The following ADSS2 variants were observed in gnomAD, a reference collection of about 807,000 sequenced individuals.
ADSS2 encodes the protein adenylosuccinate synthetase isozyme 2.
ADSS2 carries 30 observed loss-of-function variants against 60.0 expected under a neutral mutation model. The observed-to-expected ratio is 0.50, with a 90% CI of 0.37 to 0.68. The LOEUF (loss-of-function observed/expected upper bound fraction) is 0.68. Among genes scored for constraint, ADSS2 ranks in the 30% least tolerant of loss-of-function variants. The pLI is 0.00. For synonymous variants in ADSS2, 187 were observed against 193.1 expected (o/e 0.97, Z 0.26); for missense variants, 373 against 554.8 (o/e 0.67, Z 3.29).
At chr1:244,428,587 A>C (rs931213234) in intron 4 of ADSS2, among the ~76,000 whole-genome samples, 1 of 151,890 alleles carries the variant, frequency 6.6e-6, no homozygotes, top group Non-Finnish European at 1.5e-5. Flanking sequence ...TTCTAAAGGA[A>C]CTACAAAAAC....
intron 1 of ADSS2, among the ~76,000 whole-genome samples, chr1:244,448,937 GT>G (rs1184187617): frequency 2.0e-5 from 3 of 152,054 alleles, no homozygotes; most frequent in African/African-American, 7.2e-5. Context: ...GATACTCAAT[GT>G]TTACTAGATG....
At chr1:244,433,484 G>A (rs1665001282) in intron 3 of ADSS2, among the ~76,000 whole-genome samples, 1 of 152,324 alleles carries the variant, frequency 6.6e-6, no homozygotes, top group African/African-American at 2.4e-5. Context: ...ATCATGCTGG[G>A]GAGGTTAGGT....
At chr1:244,430,049 C>A (rs1259760121) in intron 4 of ADSS2, among the ~76,000 whole-genome samples, 1 of 152,082 alleles carries the variant, frequency 6.6e-6, no homozygotes, top group Non-Finnish European at 1.5e-5. Context: ...CTGCGCTTAT[C>A]TTCTACAGGC....
At chr1:244,435,093 A>C (rs961626048) in intron 3 of ADSS2, among the ~76,000 whole-genome samples, 1 of 142,434 alleles carries the variant, frequency 7.0e-6, no homozygotes, top group Non-Finnish European at 1.5e-5. Context: ...ACTTGGACCC[A>C]CGAAGCAGAA....
At chr1:244,451,995 C>T, upstream of ADSS2, 2 of 607,180 alleles carry the variant, frequency 3.3e-6, no homozygotes, top group Non-Finnish European at 5.3e-6. This position sits in a 1 kb window ranked among gnomAD's most constrained non-coding sequence, Gnocchi z 6.6. Flanking sequence ...CCGCCACAGC[C>T]CGCTCAAGGG....
upstream of ADSS2, chr1:244,451,916 G>A (rs1396270525): frequency 1.6e-6 from 2 of 1,273,444 alleles, no homozygotes; most frequent in Non-Finnish European, 2.1e-6. The surrounding 1 kb of genome is among the most constrained non-coding windows in gnomAD (Gnocchi z 6.6). Context: ...AGAGGAAGAA[G>A]GAGCCAGAGG....
chr1:244,422,255 T>C (rs959928881), intron 7 of ADSS2, among the ~76,000 whole-genome samples: 13 of 152,208 alleles, frequency 8.5e-5, no homozygotes, highest in African/African-American at 2.4e-5. Flanking sequence ...GGAAACAGTT[T>C]GAAGTTCATC....
intron 1 of ADSS2, among the ~76,000 whole-genome samples, chr1:244,448,943 T>C (rs1450974083): frequency 6.6e-6 from 1 of 152,218 alleles, no homozygotes; most frequent in African/African-American, 2.4e-5. Flanking sequence ...CAATGTTTAC[T>C]AGATGAATGA....
chr1:244,436,087 G>A (rs909563644), intron 3 of ADSS2, among the ~76,000 whole-genome samples: 3 of 152,204 alleles, frequency 2.0e-5, no homozygotes, highest in African/African-American at 7.2e-5. Flanking sequence ...AATAAACTGT[G>A]TGCGTGCCTA....
At chr1:244,429,938 G>A (rs1241457358) in intron 4 of ADSS2, among the ~76,000 whole-genome samples, 1 of 150,430 alleles carries the variant, frequency 6.6e-6, no homozygotes, top group Non-Finnish European at 1.5e-5. Context: ...GACTTTTTAA[G>A]GGCCCTGGGA....
In ADSS2 at chr1:244,433,854, A is replaced by G. The variant is rs1471299568; in HGVS notation, c.356-1259T>C. ...CAGCCTGGCAACAGAGCAAGACTCC[A>G]TCTTTAAAAAAAAAAAAAAAAAAAA... On this transcript the variant is annotated intron_variant, in intron 3 of 12. Coordinates refer to ENST00000366535, the MANE Select transcript of ADSS2 (RefSeq NM_001126.5). 3.4e-5 allele frequency among the ~76,000 whole-genome samples: 4 copies of G among 116,502 alleles called. No individual in the cohort carries two copies. In the East Asian group the frequency reaches 9.1e-4, roughly 26 times the overall value. The allele number at this position is 116,502 out of a possible 152,430, so 76.4% of individuals were successfully genotyped here. A position where few individuals can be genotyped will look rare whatever the true frequency, so the allele number is the denominator to read the frequency against.
chr1:244,432,523 A>G (rs1664969434), intron 4 of ADSS2, 22 bp downstream of exon 4: 1 of 1,490,146 alleles, frequency 6.7e-7, no homozygotes, highest in South Asian at 1.3e-5. Context: ...AGTTACAAAT[A>G]AATGCAATAT....
intron 7 of ADSS2, among the ~76,000 whole-genome samples, chr1:244,421,039 GAGTTACACTGCCAGGGCCA>G (rs1411646876): frequency 1.9e-4 from 1 of 5,194 alleles, no homozygotes; most frequent in African/African-American, 1.3e-3. Context: ...TGAGGGCCAC[GAGTTACACTGCCAGGGCCA>G]CGAGTTACAC....
Position 244,416,076 on chromosome 1 carries a change from A to C in ADSS2, c.1073T>G (p.Leu358Trp), listed in dbSNP as rs377279282. Residue 358 changes from leucine to tryptophan, a missense_variant and splice_region_variant, in exon 11 of 13, where the codon TTG (leucine) becomes TGG (tryptophan). Leu to Trp is a moderately conservative substitution (Grantham distance 61). Transcript: ENST00000366535. ...YAHMINGFTA[L>W]ALTKLDILDM... ...CAAAATATCCAACTTGGTAAGTGCC[A>C]ACCTAATTTTGGAAGAAAAGGCAAT... 6.2e-7 allele frequency: 1 copy of C among 1,611,250 alleles called. No homozygotes were observed. Among genetic ancestry groups the C allele is most frequent in the Non-Finnish European group, 8.5e-7 (1 of 1,178,472 alleles).
At chr1:244,423,897 T>TA (rs909925861) in intron 6 of ADSS2, 56 bp downstream of exon 6, 63 of 1,446,878 alleles carry the variant, frequency 4.4e-5, no homozygotes, top group Admixed American at 3.6e-4. Flanking sequence ...CCCTAGATTT[T>TA]AAAAAAAATC....
chr1:244,449,169 G>A (rs1342418440), intron 1 of ADSS2, among the ~76,000 whole-genome samples: 1 of 152,098 alleles, frequency 6.6e-6, no homozygotes, highest in Non-Finnish European at 1.5e-5. Flanking sequence ...ACGCCACTAG[G>A]TTTGCATCTA....
intron 11 of ADSS2, among the ~76,000 whole-genome samples, chr1:244,412,339 A>G (rs781154127): frequency 1.3e-5 from 2 of 152,178 alleles, no homozygotes; most frequent in Non-Finnish European, 2.9e-5. Flanking sequence ...AAATCTCTAC[A>G]TTGGAGTCTG....
At chr1:244,412,208 C>T (rs1335076509) in intron 11 of ADSS2, among the ~76,000 whole-genome samples, 1 of 152,204 alleles carries the variant, frequency 6.6e-6, no homozygotes, top group Non-Finnish European at 1.5e-5. Context: ...CCTATGGGAT[C>T]AGTGAAGGCT....
At chr1:244,435,156 A>C (rs984856320) in intron 3 of ADSS2, among the ~76,000 whole-genome samples, 5 of 125,484 alleles carry the variant, frequency 4.0e-5, no homozygotes, top group African/African-American at 1.6e-4. Flanking sequence ...TGACAGAGAG[A>C]GACTCCGTCT....
Sources: gnomAD v4.1 joint callset for allele counts (sites outside exome capture counted in the v4.1 genomes callset) on GRCh38, gnomAD v4.1.1 for gene constraint, Gnocchi (gnomAD v3.1) non-coding constraint, MANE v1.5 for transcripts, NCBI Gene and HGNC (gene_info 2026-07-23, HGNC 2026-07-21) for gene names.